The following AKT3 variants were observed in gnomAD, a reference collection of about 807,000 sequenced individuals.
AKT3 encodes the protein RAC-gamma serine/threonine-protein kinase.
In AKT3, 15 loss-of-function variants were observed where a neutral mutation model predicts 65.3. That is an observed-to-expected ratio of 0.23 (90% CI 0.15 to 0.35). The LOEUF is 0.35. AKT3 is among the 10% of genes least tolerant of loss of function. The probability of loss-of-function intolerance (pLI) is 1.00; values close to 1 mark genes in which losing one functional copy is unlikely to be tolerated. For synonymous variants in AKT3, 206 were observed against 183.8 expected, an observed-to-expected ratio of 1.12 and a Z score of -0.98; for missense variants, 243 against 576.5, an observed-to-expected ratio of 0.42 and a Z score of 5.92.
At chr1:243,693,408 T>C (rs531351637) in intron 3 of AKT3, among the ~76,000 whole-genome samples, 38 of 151,018 alleles carry the variant, frequency 2.5e-4, no homozygotes, top group Middle Eastern at 3.4e-3. Context: ...CTTGCACCAA[T>C]TGTTCCTTCC....
At chr1:243,702,830 C>T (rs908727096) in intron 2 of AKT3, 2 of 152,082 alleles carry the variant, frequency 1.3e-5, no homozygotes, top group Non-Finnish European at 2.9e-5. Context: ...GTAAACTAGT[C>T]TTCCAAAGAA....
At chr1:243,805,037 C>T (rs926594187) in intron 2 of AKT3, among the ~76,000 whole-genome samples, 1 of 152,156 alleles carries the variant, frequency 6.6e-6, no homozygotes, top group African/African-American at 2.4e-5. Flanking sequence ...CCATACCACT[C>T]ACCAACTATA....
chr1:243,749,207 T>C (rs1688656346), intron 2 of AKT3, among the ~76,000 whole-genome samples: 1 of 152,160 alleles, frequency 6.6e-6, no homozygotes, highest in Non-Finnish European at 1.5e-5. Context: ...CCTAGGTATA[T>C]GATATAATCC....
chr1:243,494,460 A>T (rs1558551963), intron 13 of AKT3, among the ~76,000 whole-genome samples: 1 of 152,236 alleles, frequency 6.6e-6, no homozygotes, highest in Non-Finnish European at 1.5e-5. Flanking sequence ...TTAAAAAATG[A>T]CACAAGACCC....
At chr1:243,613,100 C>T (rs186480) in intron 8 of AKT3, 117,551 of 130,802 alleles carry the variant, frequency 0.9, 53,915 homozygotes, top group Non-Finnish European at 0.98. Flanking sequence ...CACACACACA[C>T]ATATATACCC....
intron 2 of AKT3, among the ~76,000 whole-genome samples, chr1:243,784,330 T>C (rs1445318841): frequency 6.7e-6 from 1 of 149,408 alleles, no homozygotes; most frequent in African/African-American, 2.5e-5. Context: ...AGGGGGTGAG[T>C]ATGAGACAAG....
intron 2 of AKT3, among the ~76,000 whole-genome samples, chr1:243,837,141 G>C (rs1468866363): frequency 6.6e-6 from 1 of 151,978 alleles, no homozygotes; most frequent in East Asian, 1.9e-4. Flanking sequence ...GGGCAATGGA[G>C]CAAATCTTGG....
chr1:243,522,016 A>T (rs1221491075), intron 12 of AKT3, among the ~76,000 whole-genome samples: 1 of 152,210 alleles, frequency 6.6e-6, no homozygotes, highest in East Asian at 1.9e-4. Flanking sequence ...CCTGGAGAGG[A>T]TTCACCTATA....
At chr1:243,755,920 G>A (rs1224693773) in intron 2 of AKT3, among the ~76,000 whole-genome samples, 1 of 152,216 alleles carries the variant, frequency 6.6e-6, no homozygotes, top group Non-Finnish European at 1.5e-5. Flanking sequence ...TGCTGGTACT[G>A]TAGGGGGAAG....
intron 8 of AKT3, among the ~76,000 whole-genome samples, chr1:243,602,282 A>G (rs1677069042): frequency 6.6e-6 from 1 of 152,192 alleles, no homozygotes; most frequent in African/African-American, 2.4e-5. Context: ...GCTAATGTAA[A>G]CATTGTAATG....
intron 4 of AKT3, among the ~76,000 whole-genome samples, chr1:243,652,909 C>T (rs1047508431): frequency 1.3e-5 from 2 of 150,684 alleles, no homozygotes; most frequent in African/African-American, 4.9e-5. Context: ...AAAGAGCTAA[C>T]TATCCTAAAT....
intron 4 of AKT3, among the ~76,000 whole-genome samples, chr1:243,652,595 T>C (rs1462806010): frequency 1.3e-5 from 2 of 151,644 alleles, no homozygotes; most frequent in African/African-American, 4.8e-5. Context: ...CATGTGACAA[T>C]ACTAACCTTA....
chr1:243,661,493 G>A lies in AKT3; in HGVS notation c.284+3279C>T, dbSNP rs1282944543. ...TTAATAAATGGTGCTGGGAAAACTG[G>A]CTAGCCATATGTAGAAAGCTGAAAC... On this transcript the variant is annotated intron_variant, in intron 4 of 13. Transcript: ENST00000673466. Among the ~76,000 whole-genome samples, 5 of 150,410 alleles carry A rather than the reference G, an allele frequency of 3.3e-5. No individual in the cohort carries two copies. The East Asian group carries it at 9.8e-4, about 29-fold the overall frequency.
intron 6 of AKT3, among the ~76,000 whole-genome samples, chr1:243,621,730 A>G (rs1446655700): frequency 6.6e-6 from 1 of 152,208 alleles, no homozygotes. Flanking sequence ...TTTCTCCTGC[A>G]GTCAACTTCA....
chr1:243,505,710 T>C (rs111667565), intron 13 of AKT3, among the ~76,000 whole-genome samples: 26,227 of 152,116 alleles, frequency 0.17, 2,563 homozygotes, highest in East Asian at 0.27. Flanking sequence ...GCATCCAAAG[T>C]CTGTATAGAA....
chr1:243,766,781 A>C (rs1245492020), intron 2 of AKT3, among the ~76,000 whole-genome samples: 1 of 152,210 alleles, frequency 6.6e-6, no homozygotes, highest in African/African-American at 2.4e-5. Flanking sequence ...TGAAAACATA[A>C]ATAGCATGTA....
chr1:243,646,110 T>A, intron 4 of AKT3, 73 bp from the exon 5 acceptor site: 1 of 1,281,232 alleles, frequency 7.8e-7, no homozygotes, highest in Non-Finnish European at 1.1e-6. Flanking sequence ...TTATAAACTA[T>A]GAAATCAATA....
chr1:243,766,650 A>G (rs1689846074), intron 2 of AKT3, among the ~76,000 whole-genome samples: 1 of 152,194 alleles, frequency 6.6e-6, no homozygotes, highest in Admixed American at 6.5e-5. Context: ...GACACATAAA[A>G]TATTATCTTG....
chr1:243,510,114 A>G (rs1558576993), intron 13 of AKT3, among the ~76,000 whole-genome samples: 1 of 152,216 alleles, frequency 6.6e-6, no homozygotes, highest in Non-Finnish European at 1.5e-5. Flanking sequence ...GCTCTATTTA[A>G]GAATGGAAAC....
Sources: allele counts gnomAD v4.1 joint callset (sites outside exome capture counted in the v4.1 genomes callset), GRCh38; gene constraint gnomAD v4.1.1; transcripts MANE v1.5; gene names NCBI Gene and HGNC (gene_info 2026-07-23, HGNC 2026-07-21).